The following TBL1XR1 variants were observed in gnomAD, a reference collection of about 807,000 sequenced individuals.
TBL1XR1 encodes the protein TBL1X/Y related 1.
Under a neutral mutation model 66.9 loss-of-function variants are expected in TBL1XR1, and 5 were observed. The observed-to-expected ratio is 0.07, with a 90% CI of 0.04 to 0.16. TBL1XR1 has a LOEUF of 0.16. TBL1XR1 is among the 10% of genes least tolerant of loss of function. The pLI is 1.00. For synonymous variants in TBL1XR1, 210 were observed against 206.0 expected (o/e 1.02, Z -0.17); for missense variants, 238 against 623.2 (o/e 0.38, Z 6.58).
intron 1 of TBL1XR1, among the ~76,000 whole-genome samples, chr3:177,156,522 C>CACAT (rs1385325400): frequency 2.6e-5 from 2 of 76,256 alleles, no homozygotes; most frequent in African/African-American, 9.2e-5. Flanking sequence ...TATACATACA[C>CACAT]ACACACACAC....
At chr3:177,155,431 A>C (rs1248769846) in intron 1 of TBL1XR1, among the ~76,000 whole-genome samples, 2 of 152,208 alleles carry the variant, frequency 1.3e-5, no homozygotes, top group African/African-American at 4.8e-5. Flanking sequence ...TTTGAAAGAC[A>C]TGAGTTACCA....
At chr3:177,122,368 T>C (rs1455895366) in intron 1 of TBL1XR1, among the ~76,000 whole-genome samples, 1 of 150,840 alleles carries the variant, frequency 6.6e-6, no homozygotes, top group Non-Finnish European at 1.5e-5. Context: ...ATTGGGGTCA[T>C]AGAAGAGGTG....
intron 1 of TBL1XR1, among the ~76,000 whole-genome samples, chr3:177,175,798 C>T: frequency 6.6e-6 from 1 of 152,140 alleles, no homozygotes; most frequent in East Asian, 1.9e-4. Context: ...GTGGCTCATG[C>T]CTGTAATCCT....
chr3:177,185,663 G>A (rs1436303889), intron 1 of TBL1XR1, among the ~76,000 whole-genome samples: 1 of 150,332 alleles, frequency 6.7e-6, no homozygotes, highest in East Asian at 1.9e-4. Flanking sequence ...AAGTATCTTT[G>A]AGAAGGTCCC....
rs1450061640 is a variant in TBL1XR1, at chr3:177,082,738, T to TTTTATATATATATATATATATATATATA, written c.-46+15727_-46+15728insTATATATATATATATATATATATATAAA. 6.1e-3 allele frequency among the ~76,000 whole-genome samples: 384 copies of TTTTATATATATATATATATATATATATA among 63,218 alleles called. 55 individuals are homozygous for TTTTATATATATATATATATATATATATA. The highest frequency in any genetic ancestry group is 6.5e-3 in the African/African-American group (103 of 15,748). The allele number at this position is 63,218 out of a possible 152,430, so 41.5% of individuals were successfully genotyped here. A position where few individuals can be genotyped will look rare whatever the true frequency, so the allele number is the denominator to read the frequency against. ...TATTACTAAATTTCTAAGATAGAGA[T>TTTTATATATATATATATATATATATATA]TATATATATATATATATATATATAT... is the stretch of plus-strand genomic sequence containing the variant. On this transcript the variant is annotated intron_variant, in intron 2 of 15. Coordinates refer to ENST00000457928, the MANE Select transcript of TBL1XR1 (RefSeq NM_024665.7).
intron 1 of TBL1XR1, among the ~76,000 whole-genome samples, chr3:177,134,843 C>T (rs1375932581): frequency 6.6e-6 from 1 of 152,112 alleles, no homozygotes; most frequent in Non-Finnish European, 1.5e-5. Flanking sequence ...AGTTGAATCT[C>T]AGAGCCTACT....
At chr3:177,142,040 G>C (rs1448951949) in intron 1 of TBL1XR1, among the ~76,000 whole-genome samples, 4 of 152,286 alleles carry the variant, frequency 2.6e-5, no homozygotes, top group Admixed American at 2.0e-4. Context: ...ATTGCCAGTG[G>C]CTAGAGGCGA....
chr3:177,056,615 G>C (rs1286609969), intron 3 of TBL1XR1, among the ~76,000 whole-genome samples: 1 of 152,066 alleles, frequency 6.6e-6, no homozygotes, highest in Non-Finnish European at 1.5e-5. Context: ...TTTATTTCTA[G>C]CCATGGCATT....
chr3:177,071,949 C>T (rs1282584545), intron 2 of TBL1XR1, among the ~76,000 whole-genome samples: 1 of 152,062 alleles, frequency 6.6e-6, no homozygotes, highest in Non-Finnish European at 1.5e-5. Context: ...ACAAAAAAGC[C>T]CCCAGGGCAC....
intron 1 of TBL1XR1, among the ~76,000 whole-genome samples, chr3:177,117,988 T>C (rs1726515263): frequency 6.6e-6 from 1 of 152,160 alleles, no homozygotes; most frequent in African/African-American, 2.4e-5. Flanking sequence ...TAGTAAGAAA[T>C]CAGAAACCAG....
chr3:177,035,223 C>G (rs1485817760), intron 12 of TBL1XR1, among the ~76,000 whole-genome samples: 1 of 152,166 alleles, frequency 6.6e-6, no homozygotes, highest in Non-Finnish European at 1.5e-5. Flanking sequence ...TGGCCACTCT[C>G]AACTCTTACC....
chr3:177,181,719 G>A (rs956994159), intron 1 of TBL1XR1, among the ~76,000 whole-genome samples: 1 of 151,862 alleles, frequency 6.6e-6, no homozygotes, highest in Non-Finnish European at 1.5e-5. Flanking sequence ...AAAGAGAAGG[G>A]CAGCAGTAGA....
At chr3:177,052,095 G>A (rs1480744066) in intron 4 of TBL1XR1, among the ~76,000 whole-genome samples, 1 of 152,166 alleles carries the variant, frequency 6.6e-6, no homozygotes, top group African/African-American at 2.4e-5. Flanking sequence ...AATGATCAGA[G>A]GCCTGGTGCC....
intron 14 of TBL1XR1, among the ~76,000 whole-genome samples, chr3:177,031,113 AAAAAAT>A (rs976195388): frequency 1.2e-4 from 19 of 152,192 alleles, no homozygotes; most frequent in Non-Finnish European, 8.8e-5. Context: ...ACTTCATCTC[AAAAAAT>A]AAAAATAAAA....
intron 1 of TBL1XR1, among the ~76,000 whole-genome samples, chr3:177,175,564 AAC>A (rs1734055945): frequency 6.6e-6 from 1 of 152,194 alleles, no homozygotes; most frequent in Non-Finnish European, 1.5e-5. Flanking sequence ...AATTTGGGTG[AAC>A]ACACTTAATT....
At chr3:177,135,333 G>GTGTGTGTGTGTGTA (rs1560213907) in intron 1 of TBL1XR1, among the ~76,000 whole-genome samples, 2 of 53,818 alleles carry the variant, frequency 3.7e-5, no homozygotes, top group African/African-American at 6.8e-5. Flanking sequence ...GTGTGTGTGT[G>GTGTGTGTGTGTGTA]TATACATATA....
intron 2 of TBL1XR1, chr3:177,078,566 C>CAAAA (rs1553829491): frequency 6.9e-6 from 1 of 145,426 alleles, no homozygotes; most frequent in Non-Finnish European, 1.5e-5. Flanking sequence ...CCAGCTGGGG[C>CAAAA]GAAAGAGTGA....
chr3:177,091,775 G>A (rs1229864398), intron 2 of TBL1XR1, among the ~76,000 whole-genome samples: 2 of 152,132 alleles, frequency 1.3e-5, no homozygotes, highest in African/African-American at 2.4e-5. Flanking sequence ...TCAGTACTTT[G>A]AAAACTGGTA....
At chr3:177,194,665 CCTTTT>C (rs1207859112) in intron 1 of TBL1XR1, among the ~76,000 whole-genome samples, 1 of 151,312 alleles carries the variant, frequency 6.6e-6, no homozygotes, top group African/African-American at 2.4e-5. Context: ...TAATACATTT[CCTTTT>C]ATCAGTACCC....
Sources: allele counts gnomAD v4.1 joint callset (sites outside exome capture counted in the v4.1 genomes callset), GRCh38; gene constraint gnomAD v4.1.1; transcripts MANE v1.5; gene names NCBI Gene and HGNC (gene_info 2026-07-23, HGNC 2026-07-21).